The following PNISR variants were observed in gnomAD, a reference collection of about 807,000 sequenced individuals.
PNISR encodes the protein PNN interacting serine and arginine rich protein, also known as arginine/serine-rich protein PNISR.
Under a neutral mutation model 93.4 loss-of-function variants are expected in PNISR, and 20 were observed. That is an observed-to-expected ratio of 0.21 (90% confidence interval 0.15 to 0.31). PNISR has a LOEUF of 0.31. Ranked by LOEUF, PNISR falls within the 10% of genes least tolerant of loss-of-function variation. The pLI is 1.00. For synonymous variants in PNISR, 305 were observed against 306.5 expected (o/e 0.99, Z 0.05); for missense variants, 893 against 985.4 (o/e 0.91, Z 1.25).
Position 99,400,242 on chromosome 6 carries a change from T to C in PNISR, c.*298A>G. On this transcript the variant is annotated 3_prime_UTR_variant, in exon 12 of 12. Coordinates refer to ENST00000369239, the MANE Select transcript of PNISR (RefSeq NM_032870.4). The stretch of plus-strand genomic sequence containing the variant: ...ACAAGCCCTTAAAACTCATGGAATT[T>C]TTTTAAAGAACATCATGGCATTCTT... 2.7e-6 allele frequency: 2 copies of C among 731,152 alleles called. No homozygotes were observed. The highest frequency in any genetic ancestry group is 3.4e-6 in the Non-Finnish European group (2 of 589,362). The allele number at this position is 731,152 out of a possible 1,614,324, so 45.3% of individuals were successfully genotyped here.
At position 99,408,149 on chromosome 6, in the gene PNISR, T is replaced by C. The variant is rs757843083; in HGVS notation, c.796A>G (p.Lys266Glu). Residue 266 changes from lysine to glutamate, a missense_variant, in exon 7 of 12, where the codon AAA (lysine) becomes GAA (glutamate). Lys to Glu is a moderately conservative substitution (Grantham distance 56, BLOSUM62 1). Transcript: ENST00000369239. ...GCATCTTCTGTGGCCTTTTTTTCTT[T>C]TTTGGACAATTGTGAACGTTGTTGT... ...MEQQRSQLSKKEKKATEDAEG... is the reference protein window; with the variant it reads ...MEQQRSQLSKEEKKATEDAEG... 1 of 1,613,004 alleles carries C rather than the reference T, an allele frequency of 6.2e-7. No homozygotes were observed. Among genetic ancestry groups the C allele is most frequent in the Non-Finnish European group, 8.5e-7 (1 of 1,179,724 alleles).
At chr6:99,411,553 C>A (rs1057311844) in intron 4 of PNISR, among the ~76,000 whole-genome samples, 6 of 152,114 alleles carry the variant, frequency 3.9e-5, no homozygotes, top group Admixed American at 3.9e-4. Context: ...TAGAAATGAA[C>A]CACCTCACAG....
At chr6:99,422,876 CAA>C (rs58924048) in intron 1 of PNISR, among the ~76,000 whole-genome samples, 6 of 94,934 alleles carry the variant, frequency 6.3e-5, no homozygotes, top group South Asian at 3.9e-4. Context: ...CACTCTGTCT[CAA>C]AAAAAAAAAA....
At chr6:99,416,265 G>T in intron 2 of PNISR, 84 bp downstream of exon 2, 1 of 445,656 alleles carries the variant, frequency 2.2e-6, no homozygotes, top group Non-Finnish European at 3.7e-6. Context: ...CCCTTGAAAA[G>T]TAACTTCGCT....
chr6:99,405,568 CTTTCT>C (rs902944337), intron 8 of PNISR, among the ~76,000 whole-genome samples: 1 of 151,990 alleles, frequency 6.6e-6, no homozygotes, highest in Non-Finnish European at 1.5e-5. Context: ...ACACTTTTTT[CTTTCT>C]TTTTTTTCCG....
chr6:99,423,962 T>C (rs1212217560), intron 1 of PNISR, among the ~76,000 whole-genome samples: 3 of 152,154 alleles, frequency 2.0e-5, no homozygotes, highest in Admixed American at 1.3e-4. Flanking sequence ...CAGTTATTAA[T>C]ATATTGGGCT....
rs1355597553 is a variant in PNISR at position 99,409,331 on chromosome 6, A to G, written c.515T>C (p.Phe172Ser). Reference sequence around the variant, plus strand: ...ATGAAATCCACCTTGCGGTGGACCAAAAGCAGCCCCATGCTGAAAGAGTAT... The same window carrying G: ...ATGAAATCCACCTTGCGGTGGACCAGAAGCAGCCCCATGCTGAAAGAGTAT... ...NQFDYQHGAA[F>S]GPPQGGFHPP... The change falls in exon 6 of 12, where the codon TTT becomes TCT. Residue 172 changes from phenylalanine to serine, a missense_variant. Physicochemically the swap from Phe to Ser is radical, Grantham distance 155. Coordinates refer to ENST00000369239, the MANE Select transcript of PNISR (RefSeq NM_032870.4). The G allele has an allele frequency of 1.2e-6, 2 of 1,613,716 alleles. No homozygotes were observed. The highest frequency in any genetic ancestry group is 1.7e-6 in the Non-Finnish European group (2 of 1,179,910).
chr6:99,409,456 G>T, intron 5 of PNISR, 112 bp from the exon 6 acceptor site: 1 of 862,762 alleles, frequency 1.2e-6, no homozygotes, highest in Non-Finnish European at 1.8e-6. Flanking sequence ...GCACATCCAA[G>T]AATTCCATGG....
chr6:99,406,096 A>G lies in PNISR; in HGVS notation c.937T>C (p.Ser313Pro). The change falls in exon 8 of 12, where the codon TCC becomes CCC. Residue 313 changes from serine (S) to proline (P), a missense_variant. By Grantham distance (74) the Ser-to-Pro change is moderately conservative (BLOSUM62 -1). This residue lies in a region of PNISR where 866 missense variants were observed against 935.1 expected (regional missense o/e 0.93). Transcript: ENST00000369239. ...CTGTGCTCTTCTTGAGGAACTGGGGATGGACTTCTGGTGACTTTCCCACTA... is the reference window on the plus strand; with the variant it reads ...CTGTGCTCTTCTTGAGGAACTGGGGGTGGACTTCTGGTGACTTTCCCACTA... Reference protein sequence around the residue: ...ASSGKVTRSPSPVPQEEHSDP... With the variant: ...ASSGKVTRSPPPVPQEEHSDP... 6.2e-7 allele frequency: 1 copy of G among 1,610,258 alleles called. No individual in the cohort carries two copies. Among genetic ancestry groups the G allele is most frequent in the Non-Finnish European group, 8.5e-7 (1 of 1,176,560 alleles).
At chr6:99,404,782 A>G in intron 8 of PNISR, 80 bp from the exon 9 acceptor site, 1 of 755,406 alleles carries the variant, frequency 1.3e-6, no homozygotes, top group South Asian at 1.7e-5. Flanking sequence ...ATTAAAATGC[A>G]AAGCCATTTT....
chr6:99,415,455 T>G (rs1777553143), intron 2 of PNISR: 1 of 152,188 alleles, frequency 6.6e-6, no homozygotes, highest in Admixed American at 6.5e-5. Context: ...GGAAGGTACT[T>G]TATGTTAATA....
chr6:99,404,085 T>C (rs937577690), intron 9 of PNISR: 1 of 535,864 alleles, frequency 1.9e-6, no homozygotes, highest in African/African-American at 1.9e-5. Context: ...AATTGGTTTA[T>C]AATGAGAAAA....
intron 1 of PNISR, among the ~76,000 whole-genome samples, chr6:99,420,108 C>A (rs7754270): frequency 0.2 from 30,803 of 152,136 alleles, 3,595 homozygotes; most frequent in East Asian, 0.49. Flanking sequence ...TGGTCTCAAT[C>A]TCCTGACCTC....
At chr6:99,419,356 TTAAAGGCAAGTTAAA>T (rs1778239981) in intron 1 of PNISR, among the ~76,000 whole-genome samples, 1 of 152,008 alleles carries the variant, frequency 6.6e-6, no homozygotes, top group Admixed American at 6.6e-5. Context: ...TGACATTAAA[TTAAAGGCAAGTTAAA>T]TAAGTTAGAG....
intron 10 of PNISR, chr6:99,403,047 G>A (rs1024603689): frequency 1.8e-5 from 3 of 169,268 alleles, no homozygotes; most frequent in Non-Finnish European, 3.8e-5. Flanking sequence ...GACCCTGAAA[G>A]TATTTCTAAA....
At chr6:99,403,751 C>G (rs1421061614) in intron 10 of PNISR, 78 bp downstream of exon 10, 5 of 1,057,958 alleles carry the variant, frequency 4.7e-6, no homozygotes, top group Admixed American at 2.0e-5. Flanking sequence ...AATACAGTTT[C>G]AAAATAGAAC....
In PNISR at chr6:99,400,927, C is replaced by G; in HGVS notation, c.2031G>C (p.Arg677Ser). ...GTTCCCTTTCTTTGTCTTTCTTTTT[C>G]CTATCTTTATCTATACTTCGACTCC... The part of the protein sequence containing the change: ...KERSRSIDKD[R>S]KKKDKERERE... Residue 677 changes from arginine (R) to serine (S), a missense_variant, in exon 12 of 12, where the codon AGG becomes AGC. Around this residue, in one of 3 missense-constraint regions of PNISR, gnomAD observed 866 missense variants for 935.1 expected, o/e 0.93. Coordinates refer to ENST00000369239, the MANE Select transcript of PNISR (RefSeq NM_032870.4). The G allele has an allele frequency of 1.3e-6, 2 of 1,574,490 alleles. No homozygotes were observed. The highest frequency in any genetic ancestry group is 1.7e-6 in the Non-Finnish European group (2 of 1,146,830).
At chr6:99,404,894 TCA>T (rs1034156583) in intron 8 of PNISR, among the ~76,000 whole-genome samples, 192 bp from the exon 9 acceptor site, 1 of 151,970 alleles carries the variant, frequency 6.6e-6, no homozygotes, top group African/African-American at 2.4e-5. Context: ...TTCTCTTGCC[TCA>T]GTCTCCCAAG....
At position 99,400,808 on chromosome 6, in the gene PNISR, C is replaced by T. The variant is rs1775370642; in HGVS notation, c.2150G>A (p.Ser717Asn). 1.2e-6 allele frequency: 2 copies of T among 1,611,802 alleles called. No homozygotes were observed. Among genetic ancestry groups the T allele is most frequent in the Non-Finnish European group, 1.7e-6 (2 of 1,178,440 alleles). The change falls in exon 12 of 12, where the codon AGT (serine) becomes AAT (asparagine). Residue 717 changes from serine (S) to asparagine (N), a missense_variant. Transcript: ENST00000369239. Reference sequence around the variant, plus strand: ...ACCACTCCTAGAAAATGTTCTTTCACTTTCTCGTTTCCTTTTTAATCTATC... The same window carrying T: ...ACCACTCCTAGAAAATGTTCTTTCATTTTCTCGTTTCCTTTTTAATCTATC... ...QDDRLKRKRESERTFSRSGSI... is the reference protein window; with the variant it reads ...QDDRLKRKRENERTFSRSGSI...
Sources: gnomAD v4.1 joint callset for allele counts (sites outside exome capture counted in the v4.1 genomes callset) on GRCh38, gnomAD v4.1.1 for gene constraint, gnomAD v4.1.1 regional missense constraint, MANE v1.5 for transcripts, NCBI Gene and HGNC (gene_info 2026-07-23, HGNC 2026-07-21) for gene names.